MATN2: variants seen among roughly 807,000 people sequenced by gnomAD.
The protein encoded by MATN2 is matrilin-2.
In MATN2, 69 loss-of-function variants were observed where a neutral mutation model predicts 103.2. That is an observed-to-expected ratio of 0.67 (90% CI 0.55 to 0.82). The LOEUF (loss-of-function observed/expected upper bound fraction) is 0.82, where lower values mean the gene tolerates loss of function less well. MATN2 is among the 40% of genes least tolerant of loss of function. MATN2 has a pLI of 0.00. For missense variants in MATN2, 1,023 were observed against 1,211.5 expected (o/e 0.84, Z 2.31); for synonymous variants, 429 against 450.2 (o/e 0.95, Z 0.60).
rs148769332 is a variant in MATN2, at chr8:98,022,306, ATG to A, written c.1942+993_1942+994del. Among the ~76,000 whole-genome samples the A allele has an allele frequency of 3.5e-3, 537 of 151,570 alleles. 3 individuals carry two copies. Among genetic ancestry groups the A allele is most frequent in the African/African-American group, 0.012 (501 of 41,396 alleles). On this transcript the variant is annotated intron_variant, in intron 13 of 18. Transcript: ENST00000254898. ...ACATACAGTCTCTCTTTCTCTATAT[ATG>A]TGTGTGTGTGTGTACCATTATATAC... is the stretch of plus-strand genomic sequence containing the variant.
chr8:97,919,621 C>T (rs977472262), intron 2 of MATN2, among the ~76,000 whole-genome samples: 4 of 152,194 alleles, frequency 2.6e-5, no homozygotes, highest in Non-Finnish European at 5.9e-5. Context: ...GCGTTCCCAG[C>T]CCATTCCAGC....
At chr8:97,945,712 AAAAAAATAT>A (rs1257215771) in intron 4 of MATN2, among the ~76,000 whole-genome samples, 1 of 73,756 alleles carries the variant, frequency 1.4e-5, no homozygotes, top group Non-Finnish European at 2.6e-5. Context: ...ATAGAAAAAA[AAAAAAATAT>A]ATATATATAT....
chr8:97,870,072 C>T (rs752058880), intron 1 of MATN2, among the ~76,000 whole-genome samples: 1 of 152,250 alleles, frequency 6.6e-6, no homozygotes, highest in South Asian at 2.1e-4. Context: ...TTCAGGGACC[C>T]GTGGTCGAGA....
rs756889694 is a variant in MATN2 at position 97,994,534 on chromosome 8, C to T, written c.1136C>T (p.Thr379Ile). The change falls in exon 7 of 19, where the codon ACA becomes ATA. Residue 379 changes from threonine to isoleucine, a missense_variant. Thr to Ile is a moderately conservative substitution (Grantham distance 89). Coordinates refer to ENST00000254898, the MANE Select transcript of MATN2 (RefSeq NM_002380.5). Reference sequence around the variant, plus strand: ...GGATGTCAGCACGAGTGTGTTAACACAGATGATTCCTATTCCTGCCACTGC... The same window carrying T: ...GGATGTCAGCACGAGTGTGTTAACATAGATGATTCCTATTCCTGCCACTGC... ...NHGCQHECVN[T>I]DDSYSCHCLK... is the part of the protein sequence containing the mutation. 2 of 1,613,540 alleles carry T rather than the reference C, an allele frequency of 1.2e-6. No homozygotes were observed. Among genetic ancestry groups the T allele is most frequent in the Non-Finnish European group, 1.7e-6 (2 of 1,179,760 alleles).
chr8:97,991,083 A>G (rs1008792559), intron 6 of MATN2, among the ~76,000 whole-genome samples: 10 of 152,196 alleles, frequency 6.6e-5, no homozygotes, highest in African/African-American at 2.4e-4. Flanking sequence ...CATAAAACAC[A>G]AAGAGAGGCT....
chr8:97,920,276 C>T (rs569317349), intron 2 of MATN2, among the ~76,000 whole-genome samples: 11 of 152,146 alleles, frequency 7.2e-5, no homozygotes, highest in Non-Finnish European at 1.2e-4. Flanking sequence ...GGCGTGATCT[C>T]GACTCACTGC....
At chr8:97,955,459 C>T (rs1036755614) in intron 4 of MATN2, among the ~76,000 whole-genome samples, 9 of 152,242 alleles carry the variant, frequency 5.9e-5, no homozygotes, top group South Asian at 2.1e-4. Context: ...TTCCCATCTT[C>T]GACCCCAGGG....
rs1813871972 is a variant in MATN2, at chr8:98,027,921, CTTT to C, written c.2356+93_2356+95del. Reference sequence around the variant, plus strand: ...CTCAGCTGGCCATAAGGGTAAGCTTCTTTGAGTGTACAGAAAGGCCTCCTGGCA... The same window carrying C: ...CTCAGCTGGCCATAAGGGTAAGCTTCGAGTGTACAGAAAGGCCTCCTGGCA... On this transcript the variant is annotated intron_variant, in intron 14 of 18. Coordinates refer to ENST00000254898, the MANE Select transcript of MATN2 (RefSeq NM_002380.5). 38 of 1,353,330 alleles carry C rather than the reference CTTT, an allele frequency of 2.8e-5. No individual in the cohort carries two copies. In the South Asian group the frequency reaches 4.1e-4, roughly 15 times the overall value. The allele number at this position is 1,353,330 out of a possible 1,614,324, so 83.8% of individuals were successfully genotyped here. A position where few individuals can be genotyped will look rare whatever the true frequency, so the allele number is the denominator to read the frequency against.
At chr8:98,032,632 A>G (rs1449352346) in intron 16 of MATN2, among the ~76,000 whole-genome samples, 1 of 152,058 alleles carries the variant, frequency 6.6e-6, no homozygotes, top group East Asian at 1.9e-4. Flanking sequence ...CCTGGGCTCA[A>G]GTGATTCTCC....
chr8:98,022,407 G>A (rs757948652), intron 13 of MATN2, among the ~76,000 whole-genome samples: 11 of 151,474 alleles, frequency 7.3e-5, no homozygotes, highest in Non-Finnish European at 1.5e-4. Flanking sequence ...TAATATTTAA[G>A]TTTTGTTCCA....
chr8:97,986,161 A>T (rs1263674543), intron 6 of MATN2, among the ~76,000 whole-genome samples: 1 of 152,208 alleles, frequency 6.6e-6, no homozygotes, highest in African/African-American at 2.4e-5. Context: ...ACAAAAAAGG[A>T]AATTTATTGA....
rs764838730 is a variant in MATN2 at position 97,888,260 on chromosome 8, C to T, written c.142+18C>T. The T allele has an allele frequency of 2.0e-6, 3 of 1,516,910 alleles. No individual in the cohort carries two copies. The highest frequency in any genetic ancestry group is 4.8e-5 in the East Asian group (2 of 41,272). The allele number at this position is 1,516,910 out of a possible 1,614,324, so 94.0% of individuals were successfully genotyped here. ...CCTTCTGGGTGAGTGGTGGTGCTCA[C>T]CCCCAAAAGTGGGCAGGTGGGGGTG... On this transcript the variant is annotated intron_variant, in intron 2 of 18. Coordinates refer to ENST00000254898, the MANE Select transcript of MATN2 (RefSeq NM_002380.5).
intron 5 of MATN2, among the ~76,000 whole-genome samples, chr8:97,974,660 T>G (rs1811773467): frequency 6.6e-6 from 1 of 152,072 alleles, no homozygotes; most frequent in African/African-American, 2.4e-5. Context: ...TTGGCCAGGC[T>G]GGTCTTGAAC....
At chr8:97,917,891 C>A (rs1490390262) in intron 2 of MATN2, among the ~76,000 whole-genome samples, 1 of 152,090 alleles carries the variant, frequency 6.6e-6, no homozygotes, top group Non-Finnish European at 1.5e-5. Context: ...TTGAGACCAG[C>A]CTGGGCAACA....
intron 15 of MATN2, among the ~76,000 whole-genome samples, chr8:98,030,872 A>C (rs997880015): frequency 6.6e-6 from 1 of 152,144 alleles, no homozygotes; most frequent in Non-Finnish European, 1.5e-5. Flanking sequence ...CATGTTGGCC[A>C]GGCTGGTCTC....
chr8:97,880,145 G>A (rs867470380), intron 1 of MATN2, among the ~76,000 whole-genome samples: 1 of 147,638 alleles, frequency 6.8e-6, no homozygotes, highest in Admixed American at 6.9e-5. Context: ...GTGCAGTGGC[G>A]CCATCTCAGC....
At chr8:97,880,392 C>A (rs1818215413) in intron 1 of MATN2, among the ~76,000 whole-genome samples, 1 of 152,186 alleles carries the variant, frequency 6.6e-6, no homozygotes, top group Non-Finnish European at 1.5e-5. Context: ...AAATTAACTG[C>A]CTGTTTTTCT....
chr8:97,911,530 C>T (rs891769034), intron 2 of MATN2, among the ~76,000 whole-genome samples: 5 of 151,530 alleles, frequency 3.3e-5, no homozygotes, highest in Non-Finnish European at 7.4e-5. Context: ...AACATGGTGA[C>T]GCCCCGTCTC....
intron 2 of MATN2, among the ~76,000 whole-genome samples, chr8:97,913,852 C>A (rs1208146049): frequency 1.3e-5 from 2 of 152,148 alleles, no homozygotes; most frequent in East Asian, 3.9e-4. Context: ...TGACCTCAGC[C>A]GATCCGCCCG....
Sources: gnomAD v4.1 joint callset for allele counts (sites outside exome capture counted in the v4.1 genomes callset) on GRCh38, gnomAD v4.1.1 for gene constraint, MANE v1.5 for transcripts, NCBI Gene and HGNC (gene_info 2026-07-23, HGNC 2026-07-21) for gene names.